The following ENTREP2 variants were observed in gnomAD, a reference collection of about 807,000 sequenced individuals.
ENTREP2 encodes the protein protein ENTREP2.
the ENTREP2 span, among the ~76,000 whole-genome samples, chr15:29,159,523 TAC>T: frequency 2.0e-5 from 3 of 152,258 alleles, no homozygotes; most frequent in South Asian, 6.3e-4. Flanking sequence ...TGGTCCATTT[TAC>T]AGAGAGCCGA....
At chr15:29,268,674 C>T in the ENTREP2 span, 7 of 981,546 alleles carry the variant, frequency 7.1e-6, no homozygotes, top group Admixed American at 1.7e-4. Flanking sequence ...TAAAGCTACA[C>T]ACATTGAAGC....
the ENTREP2 span, among the ~76,000 whole-genome samples, chr15:29,263,657 A>T: frequency 0.019 from 2,856 of 152,374 alleles, 52 homozygotes; most frequent in Non-Finnish European, 0.027. Flanking sequence ...TGGCAGTATC[A>T]GTGTAATCTC....
At chr15:29,321,517 C>T in the ENTREP2 span, among the ~76,000 whole-genome samples, 5 of 151,688 alleles carry the variant, frequency 3.3e-5, no homozygotes, top group Non-Finnish European at 7.4e-5. Context: ...GGCATGGTGG[C>T]GGGCACCTAT....
At chr15:29,132,817 G>A in the ENTREP2 span, among the ~76,000 whole-genome samples, 1 of 152,178 alleles carries the variant, frequency 6.6e-6, no homozygotes, top group Non-Finnish European at 1.5e-5. Flanking sequence ...CAGGGTCTGG[G>A]CTCCACGGAC....
At chr15:29,340,089 G>C in the ENTREP2 span, among the ~76,000 whole-genome samples, 1 of 152,234 alleles carries the variant, frequency 6.6e-6, no homozygotes, top group African/African-American at 2.4e-5. Context: ...CTGCTTCCAA[G>C]TTGCTGCAAG....
At chr15:29,519,801 A>C in the ENTREP2 span, among the ~76,000 whole-genome samples, 2 of 152,208 alleles carry the variant, frequency 1.3e-5, no homozygotes, top group Middle Eastern at 6.3e-3. Context: ...GATGGCCTGA[A>C]GCAACTGAAG....
chr15:29,667,609 T>G, the ENTREP2 span, among the ~76,000 whole-genome samples: 1 of 149,482 alleles, frequency 6.7e-6, no homozygotes, highest in Admixed American at 6.7e-5. Context: ...TTCTCCTGCC[T>G]CAGCCTCCCA....
the ENTREP2 span, among the ~76,000 whole-genome samples, chr15:29,640,044 C>CA: frequency 6.6e-6 from 1 of 152,154 alleles, no homozygotes; most frequent in Non-Finnish European, 1.5e-5. Flanking sequence ...GCTGTGATTA[C>CA]AGGTGTGAGC....
the ENTREP2 span, among the ~76,000 whole-genome samples, chr15:29,183,560 C>G: frequency 1.3e-5 from 2 of 152,170 alleles, no homozygotes; most frequent in South Asian, 2.1e-4. Context: ...GGAGAAGCAA[C>G]CTGTGGAATA....
chr15:29,481,165 C>T, the ENTREP2 span, among the ~76,000 whole-genome samples: 95 of 152,298 alleles, frequency 6.2e-4, no homozygotes, highest in African/African-American at 6.3e-4. Context: ...ATTCTGAAGA[C>T]GAGCCTGCAG....
chr15:29,318,057 T>A, the ENTREP2 span, among the ~76,000 whole-genome samples: 1 of 152,120 alleles, frequency 6.6e-6, no homozygotes, highest in Non-Finnish European at 1.5e-5. Context: ...ATTTTCCGCG[T>A]TTCCAGAGAG....
At chr15:29,275,318 T>A in the ENTREP2 span, among the ~76,000 whole-genome samples, 2 of 152,220 alleles carry the variant, frequency 1.3e-5, no homozygotes, top group Non-Finnish European at 2.9e-5. Context: ...AACCCTGATT[T>A]TCTTGCTTGG....
the ENTREP2 span, among the ~76,000 whole-genome samples, chr15:29,427,083 T>G: frequency 1.2e-4 from 19 of 152,206 alleles, no homozygotes; most frequent in African/African-American, 4.3e-4. Flanking sequence ...AGGTGATTTA[T>G]TTTGTTATAT....
chr15:29,351,052 A>C, the ENTREP2 span, among the ~76,000 whole-genome samples: 1 of 152,222 alleles, frequency 6.6e-6, no homozygotes, highest in South Asian at 2.1e-4. Context: ...ACAATCTGAG[A>C]AATGTGTCAT....
At chr15:29,675,274 G>A in the ENTREP2 span, 500 of 152,378 alleles carry the variant, frequency 3.3e-3, 2 homozygotes, top group Non-Finnish European at 5.2e-3. Flanking sequence ...CGCCCTGAGC[G>A]TGGCAGCTGC....
At chr15:29,444,235 A>G in the ENTREP2 span, among the ~76,000 whole-genome samples, 2 of 149,736 alleles carry the variant, frequency 1.3e-5, no homozygotes, top group African/African-American at 5.0e-5. Context: ...AGAAAGAAAG[A>G]AAGAAAGAAA....
At chr15:29,555,910 C>G in the ENTREP2 span, among the ~76,000 whole-genome samples, 1 of 152,292 alleles carries the variant, frequency 6.6e-6, no homozygotes, top group East Asian at 1.9e-4. Flanking sequence ...AAAGCTCCCC[C>G]GCACCCACCT....
chr15:29,578,209 G>A, the ENTREP2 span, among the ~76,000 whole-genome samples: 311 of 152,316 alleles, frequency 2.0e-3, no homozygotes, highest in Middle Eastern at 0.014. Context: ...TGAAACACTT[G>A]TAGGTTGCTG....
chr15:29,613,606 C>A, the ENTREP2 span: 2 of 195,924 alleles, frequency 1.0e-5, no homozygotes, highest in Non-Finnish European at 2.1e-5. Flanking sequence ...TGGTAGAGAA[C>A]ACTGATGAGA....
Sources: allele counts gnomAD v4.1 joint callset (sites outside exome capture counted in the v4.1 genomes callset), GRCh38; gene constraint gnomAD v4.1.1; transcripts MANE v1.5; gene names NCBI Gene and HGNC (gene_info 2026-07-23, HGNC 2026-07-21).